GK: variants seen among roughly 807,000 people sequenced by gnomAD.
GK encodes the protein ATP:glycerol 3-phosphotransferase.
Under a neutral mutation model 56.4 loss-of-function variants are expected in GK, and 9 were observed. The observed-to-expected ratio is 0.16, with a 90% confidence interval of 0.10 to 0.28. GK has a LOEUF of 0.28. Ranked by LOEUF, GK falls within the 10% of genes least tolerant of loss-of-function variation. The pLI is 1.00. For missense variants in GK, 161 were observed against 431.4 expected (o/e 0.37, Z 5.55); for synonymous variants, 104 against 144.1 (o/e 0.72, Z 1.99).
chrX:30,691,634 G>T (rs945786615), intron 5 of GK, among the ~76,000 whole-genome samples: 1 of 108,772 alleles, frequency 9.2e-6, no homozygotes, highest in Non-Finnish European at 1.9e-5. Flanking sequence ...CACCATGCCC[G>T]GCTAATTTTT....
chrX:30,659,795 T>C (rs1932607999), intron 1 of GK, among the ~76,000 whole-genome samples: 1 of 112,235 alleles, frequency 8.9e-6, no homozygotes, highest in Non-Finnish European at 1.9e-5. Context: ...GTTGCCCAGG[T>C]TGGAGTGCAG....
At chrX:30,660,514 C>A (rs1932666721) in intron 1 of GK, among the ~76,000 whole-genome samples, 1 of 111,110 alleles carries the variant, frequency 9.0e-6, no homozygotes, top group African/African-American at 3.3e-5. Flanking sequence ...AAATTAGTAG[C>A]AGTAGTAGCA....
chrX:30,664,028 AT>A (rs34474761), intron 1 of GK, among the ~76,000 whole-genome samples: 3,665 of 60,107 alleles, frequency 0.061, 171 homozygotes, highest in Middle Eastern at 0.1. Flanking sequence ...ATCTATATAT[AT>A]TTTATAGATA....
At chrX:30,702,129 G>A (rs1247054334) in intron 11 of GK, among the ~76,000 whole-genome samples, 1 of 108,633 alleles carries the variant, frequency 9.2e-6, no homozygotes, top group Non-Finnish European at 1.9e-5. Context: ...TGCAACCTCC[G>A]CCTCCCAAGT....
chrX:30,675,519 CT>C (rs752900168), intron 3 of GK, among the ~76,000 whole-genome samples: 3,105 of 90,121 alleles, frequency 0.034, 139 homozygotes, highest in African/African-American at 0.11. Flanking sequence ...TTTTATTCTT[CT>C]TTTTTTTTTT....
At chrX:30,681,061 A>T (rs917624443) in intron 4 of GK, among the ~76,000 whole-genome samples, 9 of 111,858 alleles carry the variant, frequency 8.0e-5, no homozygotes, top group African/African-American at 2.6e-4. Context: ...TAATCTCTAG[A>T]ATTTTTCATA....
intron 5 of GK, among the ~76,000 whole-genome samples, 162 bp from the exon 6 acceptor site, chrX:30,694,238 T>C (rs947492204): frequency 1.6e-4 from 18 of 112,352 alleles, no homozygotes; most frequent in Non-Finnish European, 3.8e-5. Context: ...TGAACATGCT[T>C]TCCTGTGCCA....
intron 5 of GK, among the ~76,000 whole-genome samples, chrX:30,691,711 A>T (rs1055572212): frequency 5.5e-5 from 6 of 109,881 alleles, no homozygotes; most frequent in Non-Finnish European, 1.1e-4. Flanking sequence ...TGACCTCATG[A>T]TCCGCCCACT....
chrX:30,680,492 G>C (rs1055156014), intron 4 of GK, among the ~76,000 whole-genome samples: 52 of 111,842 alleles, frequency 4.6e-4, no homozygotes, highest in Admixed American at 2.0e-3. Flanking sequence ...CTTAAAACAC[G>C]GGGCAGCTTG....
At chrX:30,665,874 CTAT>C (rs892342811) in intron 2 of GK, among the ~76,000 whole-genome samples, 1 of 111,607 alleles carries the variant, frequency 9.0e-6, no homozygotes, top group South Asian at 3.7e-4. Context: ...TTTTGTGTTC[CTAT>C]TATTGCAAAA....
chrX:30,707,203 GC>G (rs1371756291), intron 11 of GK, among the ~76,000 whole-genome samples: 4 of 110,284 alleles, frequency 3.6e-5, no homozygotes. Flanking sequence ...GGTGGCACAT[GC>G]CTGTAGTCCC....
intron 19 of GK, among the ~76,000 whole-genome samples, chrX:30,727,247 T>C (rs1471229706): frequency 8.9e-6 from 1 of 112,837 alleles, no homozygotes; most frequent in Non-Finnish European, 1.9e-5. Context: ...TTCTTGGCTG[T>C]GTGGCATGCT....
intron 1 of GK, among the ~76,000 whole-genome samples, chrX:30,662,616 C>T (rs909832128): frequency 2.7e-5 from 3 of 111,793 alleles, no homozygotes; most frequent in African/African-American, 9.7e-5. Context: ...CCATTCAGAG[C>T]CCCATAGGTC....
intron 20 of GK, among the ~76,000 whole-genome samples, chrX:30,727,862 C>T (rs1289180639): frequency 9.0e-6 from 1 of 111,510 alleles, no homozygotes; most frequent in Non-Finnish European, 1.9e-5. Context: ...AGACTGACTG[C>T]TGAAAGTTAA....
chrX:30,679,071 T>A (rs1934121095), intron 4 of GK, among the ~76,000 whole-genome samples: 2 of 110,180 alleles, frequency 1.8e-5, no homozygotes, highest in Admixed American at 9.8e-5. Flanking sequence ...TAAGACAGAC[T>A]ATTTAATGAC....
At chrX:30,675,171 C>T (rs764930123) in intron 3 of GK, among the ~76,000 whole-genome samples, 10 of 109,475 alleles carry the variant, frequency 9.1e-5, no homozygotes, top group Non-Finnish European at 1.5e-4. Flanking sequence ...TGACTAAGAT[C>T]GGGAGGTGGA....
intron 3 of GK, chrX:30,672,257 C>T (rs893647072): frequency 9.3e-5 from 10 of 107,111 alleles, no homozygotes; most frequent in Non-Finnish European, 1.7e-4. Context: ...GCATAAAATT[C>T]TCAGAGATTA....
At chrX:30,707,968 C>T in intron 12 of GK, 86 bp from the exon 13 acceptor site, 1 of 547,268 alleles carries the variant, frequency 1.8e-6, no homozygotes, top group Non-Finnish European at 3.2e-6. Flanking sequence ...TTATTTTGTA[C>T]CTATGTTATT....
chrX:30,705,851 A>C (rs2868571), intron 11 of GK, among the ~76,000 whole-genome samples: 31,111 of 111,547 alleles, frequency 0.28, 3,293 homozygotes, highest in South Asian at 0.43. Flanking sequence ...TACTCACTTA[A>C]GAATTCACTT....
Sources: gnomAD v4.1 joint callset for allele counts (sites outside exome capture counted in the v4.1 genomes callset) on GRCh38, gnomAD v4.1.1 for gene constraint, MANE v1.5 for transcripts, NCBI Gene and HGNC (gene_info 2026-07-23, HGNC 2026-07-21) for gene names.